RND1: variants seen among roughly 807,000 people sequenced by gnomAD.
The protein encoded by RND1 is rho-related GTP-binding protein Rho6.
Under a neutral mutation model 27.1 loss-of-function variants are expected in RND1, and 9 were observed. The ratio of observed to expected loss-of-function variants is 0.33; its 90% CI spans 0.20 to 0.58. RND1 has a LOEUF of 0.58. RND1 is among the 20% of genes least tolerant of loss of function. The pLI, the probability that RND1 is intolerant of heterozygous loss-of-function variation, is 0.86. For synonymous variants in RND1, 108 were observed against 115.7 expected (o/e 0.93, Z 0.43); for missense variants, 253 against 292.2 (o/e 0.87, Z 0.98).
intron 2 of RND1, among the ~76,000 whole-genome samples, chr12:48,864,424 C>CGT (rs1938959851): frequency 7.4e-6 from 1 of 135,944 alleles, no homozygotes; most frequent in East Asian, 2.5e-4. Flanking sequence ...TGTGCGCGCG[C>CGT]GCGCGTGTGT....
At chr12:48,860,553 A>G (rs941434218) in intron 4 of RND1, among the ~76,000 whole-genome samples, 2 of 128,390 alleles carry the variant, frequency 1.6e-5, no homozygotes, top group African/African-American at 5.8e-5. Flanking sequence ...CACCACACCC[A>G]GCTATTTTTT....
intron 1 of RND1, among the ~76,000 whole-genome samples, 198 bp from the exon 2 acceptor site, chr12:48,865,068 A>AC (rs370186626): frequency 1.4e-4 from 21 of 150,904 alleles, no homozygotes; most frequent in African/African-American, 4.6e-4. Context: ...TGTGAATGAC[A>AC]CCCCCCCACA....
chr12:48,858,170 G>A lies in RND1; in HGVS notation c.525C>T (p.Ser175=). The stretch of plus-strand genomic sequence containing the variant: ...ATGCCGTCCGAAAGATGCTGTGGAT[G>A]CTCTTTTCTGAGGTGAAAGCTGAGC... The part of the protein sequence containing the change: ...LEGSAFTSEK[S]IHSIFRTASM... Residue 175 remains serine (S), a synonymous_variant, in exon 5 of 5, where the codon AGC becomes AGT. Transcript: ENST00000309739. 4 of 1,614,182 alleles carry A rather than the reference G, an allele frequency of 2.5e-6. No homozygotes were observed. Among genetic ancestry groups the A allele is most frequent in the Non-Finnish European group, 3.4e-6 (4 of 1,180,032 alleles).
At position 48,865,681 on chromosome 12, in the gene RND1, C is replaced by G. The variant is rs781287162; in HGVS notation, c.87G>C (p.Met29Ile). ...VGDVQCGKTA[M>I]LQVLAKDCYP... ...AGCAATCCTTCGCTAACACTTGCAACATCGCGGTCTTCCCACACTGCACGT... is the reference window on the plus strand; with the variant it reads ...AGCAATCCTTCGCTAACACTTGCAAGATCGCGGTCTTCCCACACTGCACGT... The change falls in exon 1 of 5, where the codon ATG becomes ATC. Residue 29 changes from methionine (M) to isoleucine (I), a missense_variant. Met to Ile is a conservative substitution (Grantham distance 10, BLOSUM62 1). Transcript: ENST00000309739. 1 of 1,614,170 alleles carries G rather than the reference C, an allele frequency of 6.2e-7. No individual in the cohort carries two copies. Among genetic ancestry groups the G allele is most frequent in the Non-Finnish European group, 8.5e-7 (1 of 1,180,008 alleles).
rs566310279 is a variant in RND1, at chr12:48,858,389, CTTTTTTT to C, written c.454-155_454-149del. On this transcript the variant is annotated intron_variant, in intron 4 of 4. Coordinates refer to ENST00000309739, the MANE Select transcript of RND1 (RefSeq NM_014470.4). ...TCTGCAGATTATTCGATTATCTTTT[CTTTTTTT>C]TTTTTTTTTTTGGCATACACCCTGT... The C allele has an allele frequency of 5.3e-3, 2,871 of 541,196 alleles. 8 individuals carry two copies. The highest frequency in any genetic ancestry group is 6.3e-3 in the Non-Finnish European group (2,158 of 344,036). 33.5% of individuals were successfully genotyped at this position (541,196 alleles called of 1,614,324 possible).
chr12:48,863,436 G>A (rs1453703616), intron 2 of RND1, among the ~76,000 whole-genome samples: 1 of 152,120 alleles, frequency 6.6e-6, no homozygotes, highest in Non-Finnish European at 1.5e-5. Flanking sequence ...GGTGGGGGGA[G>A]GGCGTTTGGG....
At chr12:48,864,747 G>A in intron 2 of RND1, 36 bp downstream of exon 2, 1 of 1,420,918 alleles carries the variant, frequency 7.0e-7, no homozygotes, top group Non-Finnish European at 1.0e-6. Flanking sequence ...CAGACCAGTA[G>A]GGGTGGGAAA....
chr12:48,864,931 G>A, intron 1 of RND1, 61 bp from the exon 2 acceptor site: 1 of 1,251,026 alleles, frequency 8.0e-7, no homozygotes. Context: ...CCTGGTTAGT[G>A]CTGGCTACAC....
chr12:48,863,884 C>A (rs1938951118), intron 2 of RND1, among the ~76,000 whole-genome samples: 1 of 152,048 alleles, frequency 6.6e-6, no homozygotes, highest in Non-Finnish European at 1.5e-5. Context: ...TTATTCCCGG[C>A]TTTTACTCCT....
chr12:48,862,124 G>A lies in RND1; in HGVS notation c.209-6C>T, dbSNP rs1411141589. On this transcript the variant is annotated splice_region_variant and splice_polypyrimidine_tract_variant and intron_variant, in intron 2 of 4. Coordinates refer to ENST00000309739, the MANE Select transcript of RND1 (RefSeq NM_014470.4). ...ATTATCGTAGTAGGGAGATCCTGGTGTAGGCCAGAAAGAGCTGATGGTGAG... is the reference window on the plus strand; with the variant it reads ...ATTATCGTAGTAGGGAGATCCTGGTATAGGCCAGAAAGAGCTGATGGTGAG... 7 of 1,568,390 alleles carry A rather than the reference G, an allele frequency of 4.5e-6. No individual in the cohort carries two copies. Among genetic ancestry groups the A allele is most frequent in the South Asian group, 2.2e-5 (2 of 89,952 alleles).
chr12:48,862,535 A>AG (rs1772181230), intron 2 of RND1, among the ~76,000 whole-genome samples: 1 of 152,056 alleles, frequency 6.6e-6, no homozygotes, highest in Admixed American at 6.6e-5. Flanking sequence ...CCCAGTGAAG[A>AG]GAAAAACCTC....
Position 48,861,034 on chromosome 12 carries a change from A to G in RND1, c.416T>C (p.Leu139Pro). The G allele has an allele frequency of 1.2e-6, 2 of 1,614,008 alleles. No homozygotes were observed. Among genetic ancestry groups the G allele is most frequent in the Non-Finnish European group, 1.7e-6 (2 of 1,180,046 alleles). The change falls in exon 4 of 5, where the codon CTG becomes CCG. Residue 139 changes from leucine (L) to proline (P), a missense_variant. Physicochemically the swap from Leu to Pro is moderately conservative, Grantham distance 98 (BLOSUM62 -3). Transcript: ENST00000309739. ...GATGGGCGCCTGCTTCTGGTGGGAC[A>G]GCTCCATCAGAGTACTCAGGTCTGT... ...LRTDLSTLME[L>P]SHQKQAPISY...
intron 4 of RND1, chr12:48,858,562 G>C (rs906877655): frequency 8.1e-5 from 21 of 258,706 alleles, no homozygotes; most frequent in South Asian, 1.8e-4. Context: ...TCTAATCCCA[G>C]CTACTCAGGA....
rs767033644 is a variant in RND1 at position 48,865,788 on chromosome 12, T to TTC, written c.-22_-21insGA. 9.6e-6 allele frequency: 15 copies of TTC among 1,567,780 alleles called. No homozygotes were observed. The African/African-American group carries it at 2.0e-4, about 21-fold the overall frequency. On this transcript the variant is annotated 5_prime_UTR_variant, in exon 1 of 5. Transcript: ENST00000309739. ...TTCATGGTTGCAGTGTCCGCGGGAC[T>TTC]TGAACTTCGATTCAGAAGGGAGGGT...
At chr12:48,859,019 C>A (rs1459510143) in intron 4 of RND1, 4 of 144,158 alleles carry the variant, frequency 2.8e-5, no homozygotes, top group Non-Finnish European at 6.0e-5. Context: ...AGTGCAGTGG[C>A]GCGATCTCGG....
In RND1 at chr12:48,865,825, C is replaced by G. The variant is rs1228821845; in HGVS notation, c.-58G>C. On this transcript the variant is annotated 5_prime_UTR_variant, in exon 1 of 5. Coordinates refer to ENST00000309739, the MANE Select transcript of RND1 (RefSeq NM_014470.4). ...TCAGAAGGGAGGGTTGCGCCAGGTG[C>G]GTCTCAGCACGCCAATCAAGCCAGA... 6.5e-7 allele frequency: 1 copy of G among 1,531,428 alleles called. No individual in the cohort carries two copies. The allele number at this position is 1,531,428 out of a possible 1,614,324, so 94.9% of individuals were successfully genotyped here.
intron 4 of RND1, 87 bp from the exon 5 acceptor site, chr12:48,858,328 A>G: frequency 6.9e-7 from 1 of 1,456,266 alleles, no homozygotes; most frequent in Non-Finnish European, 9.2e-7. Flanking sequence ...GGGCCACTCC[A>G]GAGGGGACCC....
At chr12:48,862,910 T>G (rs142257427) in intron 2 of RND1, among the ~76,000 whole-genome samples, 1 of 151,754 alleles carries the variant, frequency 6.6e-6, no homozygotes, top group African/African-American at 2.4e-5. Context: ...GTGCTCAGAA[T>G]AGCAAGCAGC....
chr12:48,857,568 G>C lies in RND1; in HGVS notation c.*428C>G, dbSNP rs114688735. The C allele has an allele frequency of 1.3e-5, 2 of 156,336 alleles. No individual in the cohort carries two copies. Among genetic ancestry groups the C allele is most frequent in the African/African-American group, 4.8e-5 (2 of 41,492 alleles). 9.7% of individuals were successfully genotyped at this position (156,336 alleles called of 1,614,324 possible). A position where few individuals can be genotyped will look rare whatever the true frequency, so the allele number is the denominator to read the frequency against. On this transcript the variant is annotated 3_prime_UTR_variant, in exon 5 of 5. Transcript: ENST00000309739. ...CTGCCGCTCCACTTCCCCACTCTCC[G>C]TTGCTGCCTCCTTAGAGGGGAAGGG...
Sources: gnomAD v4.1 joint callset for allele counts (sites outside exome capture counted in the v4.1 genomes callset) on GRCh38, gnomAD v4.1.1 for gene constraint, MANE v1.5 for transcripts, NCBI Gene and HGNC (gene_info 2026-07-23, HGNC 2026-07-21) for gene names.